Variants in CDH13 observed in about 807,000 individuals in gnomAD.
CDH13 encodes cadherin-13.
In CDH13, 24 loss-of-function variants were observed where a neutral mutation model predicts 63.8. That is an observed-to-expected ratio of 0.38 (90% CI 0.27 to 0.53). The LOEUF (loss-of-function observed/expected upper bound fraction) is 0.53, where lower values mean the gene tolerates loss of function less well. CDH13 is among the 20% of genes least tolerant of loss of function. The pLI is 0.85. For missense variants in CDH13, 1,049 were observed against 903.1 expected, an observed-to-expected ratio of 1.16 and a Z score of -2.07; for synonymous variants, 503 against 355.3, an observed-to-expected ratio of 1.42 and a Z score of -4.67.
chr16:83,025,498 A>T (rs759990909), intron 2 of CDH13, among the ~76,000 whole-genome samples: 3 of 152,112 alleles, frequency 2.0e-5, no homozygotes, highest in Non-Finnish European at 4.4e-5. Context: ...TCTCGCCAGA[A>T]CTCACTGTCA....
chr16:82,841,079 A>C (rs548933873), intron 1 of CDH13, among the ~76,000 whole-genome samples: 38 of 152,368 alleles, frequency 2.5e-4, no homozygotes, highest in Admixed American at 2.0e-4. Flanking sequence ...CATGGGATGC[A>C]TGGCCTGTGG....
At chr16:83,318,666 C>T (rs2090156803) in intron 5 of CDH13, among the ~76,000 whole-genome samples, 1 of 152,200 alleles carries the variant, frequency 6.6e-6, no homozygotes, top group Admixed American at 6.5e-5. Flanking sequence ...CACCTTCCTC[C>T]TGTGGCCTAC....
chr16:83,054,211 C>T (rs539026377), intron 3 of CDH13, among the ~76,000 whole-genome samples: 1 of 152,306 alleles, frequency 6.6e-6, no homozygotes, highest in African/African-American at 2.4e-5. Flanking sequence ...TTTCTCAGAA[C>T]ATATCCTTGT....
At chr16:83,626,164 C>T (rs535693900) in intron 8 of CDH13, among the ~76,000 whole-genome samples, 76 of 152,270 alleles carry the variant, frequency 5.0e-4, no homozygotes, top group Non-Finnish European at 8.5e-4. Context: ...AAGTTTGCTT[C>T]TTATTCCTGA....
intron 1 of CDH13, among the ~76,000 whole-genome samples, chr16:82,665,727 C>T (rs1216893672): frequency 6.6e-6 from 1 of 152,002 alleles, no homozygotes; most frequent in Non-Finnish European, 1.5e-5. Flanking sequence ...TGACAGTAGC[C>T]AGCTCCTCTC....
rs78313794 is a variant in CDH13, at chr16:82,805,378, A to T, written c.46-52984A>T. Among the ~76,000 whole-genome samples the T allele has an allele frequency of 3.9e-5, 6 of 152,328 alleles. No individual in the cohort carries two copies. In the East Asian group the frequency reaches 7.7e-4, roughly 20 times the overall value. On this transcript the variant is annotated intron_variant, in intron 1 of 13. Transcript: ENST00000567109. Reference sequence around the variant, plus strand: ...ATGATTAGAAATTTTTTAGCTGTCCAAATCCAGTCCTTGTCTTATCTCAGC... The same window carrying T: ...ATGATTAGAAATTTTTTAGCTGTCCTAATCCAGTCCTTGTCTTATCTCAGC...
chr16:82,838,029 G>T (rs2038843358), intron 1 of CDH13, among the ~76,000 whole-genome samples: 1 of 152,146 alleles, frequency 6.6e-6, no homozygotes, highest in Non-Finnish European at 1.5e-5. Context: ...TTCATCCCCA[G>T]TACTACCTGT....
intron 1 of CDH13, among the ~76,000 whole-genome samples, chr16:82,804,747 G>C (rs189032711): frequency 3.9e-5 from 6 of 152,190 alleles, no homozygotes; most frequent in Middle Eastern, 3.4e-3. Flanking sequence ...CCCCAAATAG[G>C]TATCTCACAG....
At chr16:83,215,417 TC>T in intron 4 of CDH13, among the ~76,000 whole-genome samples, 2 of 152,044 alleles carry the variant, frequency 1.3e-5, no homozygotes, top group Admixed American at 1.3e-4. Flanking sequence ...TATCCAATTT[TC>T]AGTTACTCTT....
intron 4 of CDH13, among the ~76,000 whole-genome samples, chr16:83,216,455 ATTTG>A (rs2039533335): frequency 9.4e-5 from 4 of 42,402 alleles, no homozygotes; most frequent in Non-Finnish European, 1.8e-4. Flanking sequence ...CACAACCCTA[ATTTG>A]AGGTTTATAT....
At chr16:83,667,294 A>G (rs558592795) in intron 8 of CDH13, among the ~76,000 whole-genome samples, 1 of 152,328 alleles carries the variant, frequency 6.6e-6, no homozygotes, top group East Asian at 1.9e-4. Context: ...CAGCCCCTTC[A>G]GCAGGTGCTG....
At chr16:83,193,953 C>T (rs989072219) in intron 4 of CDH13, among the ~76,000 whole-genome samples, 1 of 152,178 alleles carries the variant, frequency 6.6e-6, no homozygotes, top group African/African-American at 2.4e-5. Context: ...TCAAGTCTCC[C>T]TAAACGTTGC....
In CDH13 at chr16:83,795,307, G is replaced by C; in HGVS notation, c.*277G>C. 2.2e-6 allele frequency: 1 copy of C among 450,100 alleles called. No individual in the cohort carries two copies. Among genetic ancestry groups the C allele is most frequent in the Non-Finnish European group, 4.0e-6 (1 of 250,614 alleles). The allele number at this position is 450,100 out of a possible 1,614,324, so 27.9% of individuals were successfully genotyped here. A position where few individuals can be genotyped will look rare whatever the true frequency, so the allele number is the denominator to read the frequency against. ...TTGATCTTCTGGGAGCAGGAACAAT[G>C]ACTACTTTTTCTGGTGTGTTAACAT... On this transcript the variant is annotated 3_prime_UTR_variant, in exon 14 of 14. Transcript: ENST00000567109.
intron 4 of CDH13, among the ~76,000 whole-genome samples, chr16:83,136,259 G>A (rs561727224): frequency 1.7e-4 from 26 of 151,792 alleles, no homozygotes; most frequent in East Asian, 7.8e-4. Flanking sequence ...CGAGGCAGGC[G>A]GATCATGAGG....
At chr16:83,056,184 A>T (rs1172581724) in intron 3 of CDH13, among the ~76,000 whole-genome samples, 1 of 152,204 alleles carries the variant, frequency 6.6e-6, no homozygotes, top group Non-Finnish European at 1.5e-5. Context: ...ACACATGTGA[A>T]AATTAATTAG....
At chr16:83,567,658 C>T (rs892192930) in intron 7 of CDH13, among the ~76,000 whole-genome samples, 6 of 152,096 alleles carry the variant, frequency 3.9e-5, no homozygotes, top group South Asian at 2.1e-4. Context: ...TGCAGTGGTG[C>T]GATCTGGGCT....
chr16:83,420,264 C>A (rs1006244140), intron 6 of CDH13, among the ~76,000 whole-genome samples: 1 of 152,124 alleles, frequency 6.6e-6, no homozygotes, highest in African/African-American at 2.4e-5. Flanking sequence ...GAGGTAGTCA[C>A]AATTGAGAGC....
intron 8 of CDH13, chr16:83,654,709 A>G (rs1432612857): frequency 6.6e-6 from 1 of 152,178 alleles, no homozygotes; most frequent in Non-Finnish European, 1.5e-5. Flanking sequence ...CTCCAGGCAA[A>G]TATACTCAAA....
At chr16:83,064,722 T>C (rs1224124303) in intron 3 of CDH13, among the ~76,000 whole-genome samples, 1 of 152,170 alleles carries the variant, frequency 6.6e-6, no homozygotes, top group African/African-American at 2.4e-5. Flanking sequence ...ATTCTTACTA[T>C]TATTTTTGAT....
Sources: gnomAD v4.1 joint callset for allele counts (sites outside exome capture counted in the v4.1 genomes callset) on GRCh38, gnomAD v4.1.1 for gene constraint, MANE v1.5 for transcripts, NCBI Gene and HGNC (gene_info 2026-07-23, HGNC 2026-07-21) for gene names.